The following CD163 variants were observed in gnomAD, a reference collection of about 807,000 sequenced individuals.
CD163 encodes scavenger receptor cysteine-rich type 1 protein M130.
In CD163, 64 loss-of-function variants were observed where a neutral mutation model predicts 129.2. That is an observed-to-expected ratio of 0.50 (90% CI 0.41 to 0.61). The LOEUF (loss-of-function observed/expected upper bound fraction) is 0.61, where lower values mean the gene tolerates loss of function less well. CD163 is among the 20% of genes least tolerant of loss of function. The pLI is 0.00. For missense variants in CD163, 1,061 were observed against 1,377.9 expected (o/e 0.77, Z 3.64); for synonymous variants, 446 against 478.5 (o/e 0.93, Z 0.89).
In CD163 at chr12:7,487,373, G is replaced by A. The variant is rs778668873; in HGVS notation, c.2036C>T (p.Ser679Phe). 6.3e-7 allele frequency: 1 copy of A among 1,589,664 alleles called. No homozygotes were observed. The highest frequency in any genetic ancestry group is 8.6e-7 in the Non-Finnish European group (1 of 1,167,894). ...ASLCPSEQVA[S>F]VICSGNQSQT... ...CATCCTCTTACCTGAGCAGATTACA[G>A]AGGCCACTTGCTCTGAAGGACATAA... Residue 679 changes from serine to phenylalanine, a missense_variant, in exon 8 of 17, where the codon TCT becomes TTT. Coordinates refer to ENST00000432237, the MANE Select transcript of CD163 (RefSeq NM_203416.4). This position sits in a 1 kb window ranked among gnomAD's most constrained non-coding sequence, Gnocchi z 5.1.
intron 6 of CD163, among the ~76,000 whole-genome samples, chr12:7,493,384 C>T (rs1260775825): frequency 2.6e-5 from 4 of 152,120 alleles, no homozygotes; most frequent in Non-Finnish European, 4.4e-5. Flanking sequence ...CACTGAGCTG[C>T]GGGGTGGCTT....
chr12:7,498,863 C>G lies in CD163; in HGVS notation c.778+5G>C. The G allele has an allele frequency of 6.2e-7, 1 of 1,611,804 alleles. No individual in the cohort carries two copies. Among genetic ancestry groups the G allele is most frequent in the South Asian group, 1.1e-5 (1 of 90,658 alleles). On this transcript the variant is annotated splice_donor_5th_base_variant and intron_variant, in intron 4 of 16. Coordinates refer to ENST00000432237, the MANE Select transcript of CD163 (RefSeq NM_203416.4). ...AGAATAGAATGAGCCAAGATCAGTC[C>G]TTACTTGAGCAAATCACTCCAGCAT...
Position 7,482,713 on chromosome 12 carries a change from A to T in CD163, c.3177T>A (p.Val1059=). The T allele has an allele frequency of 6.2e-7, 1 of 1,614,174 alleles. No homozygotes were observed. The highest frequency in any genetic ancestry group is 1.1e-5 in the South Asian group (1 of 91,082). Residue 1059 remains valine (V), a synonymous_variant, in exon 14 of 17, where the codon GTT becomes GTA. Coordinates refer to ENST00000432237, the MANE Select transcript of CD163 (RefSeq NM_203416.4). The part of the protein sequence containing the change: ...SSFIAVGILG[V]VLLAIFVALF... ...ATGCGACGAAAATGGCCAACAGAAC[A>T]ACCCCAAGGATCCCGACTGCAATAA... is the stretch of plus-strand genomic sequence containing the variant.
chr12:7,485,503 T>C lies in CD163; in HGVS notation c.2459-87A>G. 4.1e-6 allele frequency: 4 copies of C among 968,674 alleles called. No homozygotes were observed. Among genetic ancestry groups the C allele is most frequent in the South Asian group, 1.6e-5 (1 of 62,842 alleles). 60.0% of individuals were successfully genotyped at this position (968,674 alleles called of 1,614,324 possible). A position where few individuals can be genotyped will look rare whatever the true frequency, so the allele number is the denominator to read the frequency against. ...CTTTACCTTGATGTAAGAATGGCTT[T>C]AAAAATAGGTACAATAGTACAATAT... On this transcript the variant is annotated intron_variant, in intron 10 of 16. Coordinates refer to ENST00000432237, the MANE Select transcript of CD163 (RefSeq NM_203416.4). This position sits in a 1 kb window ranked among gnomAD's most constrained non-coding sequence, Gnocchi z 4.5.
chr12:7,478,132 T>C (rs1405720010), intron 16 of CD163, among the ~76,000 whole-genome samples: 1 of 152,188 alleles, frequency 6.6e-6, no homozygotes, highest in Non-Finnish European at 1.5e-5. Context: ...TTTGCCACTT[T>C]CAACAACATG....
Position 7,482,769 on chromosome 12 carries a change from A to G in CD163, c.3128-7T>C, listed in dbSNP as rs769771254. 1 of 1,613,846 alleles carries G rather than the reference A, an allele frequency of 6.2e-7. No individual in the cohort carries two copies. The highest frequency in any genetic ancestry group is 8.5e-7 in the Non-Finnish European group (1 of 1,179,886). On this transcript the variant is annotated splice_polypyrimidine_tract_variant and splice_region_variant and intron_variant, in intron 13 of 16. Coordinates refer to ENST00000432237, the MANE Select transcript of CD163 (RefSeq NM_203416.4). ...GACTGACGGGATGAGCGACCTAAGT[A>G]AAAGTAAATATCAAGAGATATGATC...
chr12:7,472,810 G>A (rs1292384637), intron 16 of CD163, among the ~76,000 whole-genome samples: 1 of 152,124 alleles, frequency 6.6e-6, no homozygotes, highest in African/African-American at 2.4e-5. Context: ...CCCAATGCAA[G>A]GAGGCTAAGA....
In CD163 at chr12:7,488,077, T is replaced by A; in HGVS notation, c.1431A>T (p.Glu477Asp). The A allele has an allele frequency of 3.1e-6, 5 of 1,610,898 alleles. No homozygotes were observed. The highest frequency in any genetic ancestry group is 4.2e-6 in the Non-Finnish European group (5 of 1,178,696). ...GAATGTCCCCTCCAACCAGTCTGGG[T>A]TCCCTGTGGGCTGAAAAATAAATAT... ...EAKITCSAHR[E>D]PRLVGGDIPC... Residue 477 changes from glutamate (E) to aspartate (D), a missense_variant, in exon 7 of 17, where the codon GAA (glutamate) becomes GAT (aspartate). Coordinates refer to ENST00000432237, the MANE Select transcript of CD163 (RefSeq NM_203416.4).
intron 15 of CD163, 55 bp from the exon 16 acceptor site, chr12:7,479,968 A>G (rs781034955): frequency 6.2e-7 from 1 of 1,611,856 alleles, no homozygotes; most frequent in Non-Finnish European, 8.5e-7. Context: ...GTTCAGCAGC[A>G]CTGAAATCAG....
intron 3 of CD163, among the ~76,000 whole-genome samples, chr12:7,499,880 C>A (rs1056822246): frequency 2.0e-4 from 30 of 152,120 alleles, no homozygotes; most frequent in African/African-American, 7.0e-4. Context: ...CTGTTACATA[C>A]CAAACAGTGT....
Position 7,497,030 on chromosome 12 carries a change from G to A in CD163, c.882C>T (p.Gly294=), listed in dbSNP as rs1358697515. The change falls in exon 5 of 17, where the codon GGC becomes GGT. Residue 294 remains glycine, a synonymous_variant. Transcript: ENST00000432237. ...CCACAGCAGCATCGTAACTGTCCCA[G>A]CCGTCATCACATATTGTCCCCCATT... ...QGEWGTICDD[G]WDSYDAAVAC... is the part of the protein sequence containing the mutation. 6.2e-7 allele frequency: 1 copy of A among 1,613,900 alleles called. No homozygotes were observed. Among genetic ancestry groups the A allele is most frequent in the Non-Finnish European group, 8.5e-7 (1 of 1,179,974 alleles).
At position 7,501,219 on chromosome 12, in the gene CD163, G is replaced by A. The variant is rs1463818561; in HGVS notation, c.377C>T (p.Ala126Val). ...DHVSCRGNES[A>V]LWDCKHDGWG... ...TCCATCATGTTTGCAATCCCAAAGA[G>A]CTGACTCATTCCCACGACAAGAAAC... The change falls in exon 3 of 17, where the codon GCT becomes GTT. Residue 126 changes from alanine (A) to valine (V), a missense_variant. Transcript: ENST00000432237. 1.2e-6 allele frequency: 2 copies of A among 1,614,174 alleles called. No individual in the cohort carries two copies. The highest frequency in any genetic ancestry group is 1.7e-6 in the Non-Finnish European group (2 of 1,180,030).
intron 11 of CD163, among the ~76,000 whole-genome samples, chr12:7,484,648 A>AAAC (rs1555076736): frequency 6.6e-6 from 1 of 151,752 alleles, no homozygotes; most frequent in Non-Finnish European, 1.5e-5. Context: ...TCAAAAAAAA[A>AAAC]AAAAAAAAAA....
rs1232893320 is a variant in CD163 at position 7,495,377 on chromosome 12, A to C, written c.1124T>G (p.Leu375Arg). The change falls in exon 6 of 17, where the codon CTT becomes CGT. Residue 375 changes from leucine (L) to arginine (R), a missense_variant. Coordinates refer to ENST00000432237, the MANE Select transcript of CD163 (RefSeq NM_203416.4). The stretch of plus-strand genomic sequence containing the variant: ...AGCACAGCGGCTGCCTCCACCTCTA[A>C]GTCTTAGCTCCAGATCTGATCCATC... Reference protein sequence around the residue: ...CSDGSDLELRLRGGGSRCAGT... With the variant: ...CSDGSDLELRRRGGGSRCAGT... 1 of 1,614,030 alleles carries C rather than the reference A, an allele frequency of 6.2e-7. No homozygotes were observed. Among genetic ancestry groups the C allele is most frequent in the Non-Finnish European group, 8.5e-7 (1 of 1,179,954 alleles).
In CD163 at chr12:7,485,378, C is replaced by T. The variant is rs773301157; in HGVS notation, c.2497G>A (p.Glu833Lys). The T allele has an allele frequency of 1.2e-6, 2 of 1,614,066 alleles. No individual in the cohort carries two copies. The highest frequency in any genetic ancestry group is 1.3e-5 in the African/African-American group (1 of 74,938). Reference protein sequence around the residue: ...SLRLTSEASREACAGRLEVFY... With the variant: ...SLRLTSEASRKACAGRLEVFY... The stretch of plus-strand genomic sequence containing the variant: ...ACTTCCAGACGCCCTGCACAGGCCT[C>T]TCTGCTGGCTTCACTGGTCAGTCTC... Residue 833 changes from glutamate to lysine, a missense_variant, in exon 11 of 17, where the codon GAG becomes AAG. Transcript: ENST00000432237. This position sits in a 1 kb window ranked among gnomAD's most constrained non-coding sequence, Gnocchi z 4.5.
intron 4 of CD163, among the ~76,000 whole-genome samples, chr12:7,497,729 G>A (rs1422601431): frequency 6.6e-6 from 1 of 152,126 alleles, no homozygotes; most frequent in African/African-American, 2.4e-5. Flanking sequence ...TGTTTCCTCT[G>A]GCAGTTTCCG....
chr12:7,494,675 G>C (rs144047319), intron 6 of CD163, among the ~76,000 whole-genome samples: 13 of 152,200 alleles, frequency 8.5e-5, no homozygotes, highest in Admixed American at 8.5e-4. Flanking sequence ...AGAGGTTGCA[G>C]TGAAATATTC....
chr12:7,485,384 T>A lies in CD163; in HGVS notation c.2491A>T (p.Ser831Cys). The change falls in exon 11 of 17, where the codon AGC becomes TGC. Residue 831 changes from serine (S) to cysteine (C), a missense_variant. Coordinates refer to ENST00000432237, the MANE Select transcript of CD163 (RefSeq NM_203416.4). The surrounding 1 kb of genome is among the most constrained non-coding windows in gnomAD (Gnocchi z 4.5). ...FMSLRLTSEA[S>C]REACAGRLEV... ...AGACGCCCTGCACAGGCCTCTCTGC[T>A]GGCTTCACTGGTCAGTCTCAGAGAC... The A allele has an allele frequency of 6.2e-7, 1 of 1,614,154 alleles. No homozygotes were observed. Among genetic ancestry groups the A allele is most frequent in the Non-Finnish European group, 8.5e-7 (1 of 1,179,980 alleles).
intron 16 of CD163, among the ~76,000 whole-genome samples, chr12:7,479,505 G>A (rs1324869025): frequency 6.6e-6 from 1 of 151,986 alleles, no homozygotes; most frequent in Non-Finnish European, 1.5e-5. Flanking sequence ...GTAGTGCCTT[G>A]TACAGTCTTT....
Sources: allele counts gnomAD v4.1 joint callset (sites outside exome capture counted in the v4.1 genomes callset), GRCh38; gene constraint gnomAD v4.1.1; non-coding constraint Gnocchi (gnomAD v3.1); transcripts MANE v1.5; gene names NCBI Gene and HGNC (gene_info 2026-07-23, HGNC 2026-07-21).